Variants in TNRC6A observed in about 807,000 individuals in gnomAD.
TNRC6A encodes the protein trinucleotide repeat containing adaptor 6A.
In TNRC6A, 44 loss-of-function variants were observed where a neutral mutation model predicts 221.2. The ratio of observed to expected loss-of-function variants is 0.20; its 90% confidence interval spans 0.16 to 0.26. The LOEUF is 0.26. Among genes scored for constraint, TNRC6A ranks in the 10% least tolerant of loss-of-function variants. TNRC6A has a pLI of 1.00. For synonymous variants in TNRC6A, 847 were observed against 838.5 expected (o/e 1.01, Z -0.18); for missense variants, 2,199 against 2,404.4 (o/e 0.91, Z 1.79).
chr16:24,610,607 C>T (rs1444484768), intron 1 of TNRC6A: 1 of 152,284 alleles, frequency 6.6e-6, no homozygotes, highest in Non-Finnish European at 1.5e-5. Flanking sequence ...TGGGGAGCTG[C>T]GGCTCTCGGG....
chr16:24,725,600 T>C (rs542691740), upstream of TNRC6A, among the ~76,000 whole-genome samples: 1 of 152,242 alleles, frequency 6.6e-6, no homozygotes, highest in African/African-American at 2.4e-5. Flanking sequence ...CATTCTTTGT[T>C]GCATAATCAA....
intron 2 of TNRC6A, among the ~76,000 whole-genome samples, chr16:24,733,465 T>C (rs978036552): frequency 6.6e-6 from 1 of 152,212 alleles, no homozygotes; most frequent in Non-Finnish European, 1.5e-5. Flanking sequence ...ATTGTCACAT[T>C]ATGTTAGTAT....
intron 4 of TNRC6A, among the ~76,000 whole-genome samples, chr16:24,768,251 GA>G (rs1274456250): frequency 6.6e-6 from 1 of 152,044 alleles, no homozygotes; most frequent in East Asian, 1.9e-4. Flanking sequence ...CTAACACGGT[GA>G]AACCCCGTCT....
At chr16:24,773,803 T>G (rs989271742) in intron 4 of TNRC6A, among the ~76,000 whole-genome samples, 6 of 152,180 alleles carry the variant, frequency 3.9e-5, no homozygotes, top group African/African-American at 1.2e-4. Context: ...TTGTCTGATA[T>G]CAATATTGTT....
At chr16:24,710,977 G>C (rs889177799) in intron 2 of TNRC6A, among the ~76,000 whole-genome samples, 4 of 152,008 alleles carry the variant, frequency 2.6e-5, no homozygotes, top group Admixed American at 2.6e-4. Flanking sequence ...CCGGGTTCAA[G>C]GGATTCTCCT....
chr16:24,730,326 C>T (rs372493963), intron 2 of TNRC6A, 26 bp downstream of exon 2: 41 of 1,601,210 alleles, frequency 2.6e-5, no homozygotes, highest in Middle Eastern at 3.3e-4. Flanking sequence ...TTTCCGTCTC[C>T]CGCCCCACGA....
At chr16:24,659,316 A>T (rs2054980206) in intron 2 of TNRC6A, among the ~76,000 whole-genome samples, 1 of 152,068 alleles carries the variant, frequency 6.6e-6, no homozygotes, top group Admixed American at 6.6e-5. Context: ...TTTGCTATGT[A>T]TTAATTTCAT....
chr16:24,788,476 T>G (rs2058021401), intron 5 of TNRC6A, among the ~76,000 whole-genome samples: 1 of 152,296 alleles, frequency 6.6e-6, no homozygotes, highest in African/African-American at 2.4e-5. Context: ...AAAACAGTTG[T>G]GTGGAAAAGC....
intron 2 of TNRC6A, among the ~76,000 whole-genome samples, chr16:24,714,413 A>G (rs1162531156): frequency 7.2e-6 from 1 of 138,854 alleles, no homozygotes; most frequent in Non-Finnish European, 1.5e-5. Flanking sequence ...GGTTCACACC[A>G]TTCTCCTGCC....
rs2058061658 is a variant in TNRC6A at position 24,789,936 on chromosome 16, A to G, written c.1294A>G (p.Ser432Gly). The G allele has an allele frequency of 6.2e-7, 1 of 1,613,780 alleles. No homozygotes were observed. The highest frequency in any genetic ancestry group is 1.3e-5 in the African/African-American group (1 of 74,932). Reference protein sequence around the residue: ...SLQETCESEVSGTQKVSFSGQ... With the variant: ...SLQETCESEVGGTQKVSFSGQ... ...TCAGGAAACTTGTGAATCTGAAGTA[A>G]GTGGTACACAGAAGGTTTCATTCAG... Residue 432 changes from serine (S) to glycine (G), a missense_variant, in exon 6 of 25, where the codon AGT (serine) becomes GGT (glycine). Ser to Gly is a moderately conservative substitution (Grantham distance 56, BLOSUM62 0). Transcript: ENST00000395799.
chr16:24,702,427 C>T (rs924566299), intron 2 of TNRC6A, among the ~76,000 whole-genome samples: 3 of 152,104 alleles, frequency 2.0e-5, no homozygotes, highest in Non-Finnish European at 4.4e-5. Context: ...AGCCACCCAC[C>T]TCAGCCTCCC....
intron 2 of TNRC6A, among the ~76,000 whole-genome samples, chr16:24,706,466 C>T (rs1262857490): frequency 6.6e-6 from 1 of 152,044 alleles, no homozygotes; most frequent in Non-Finnish European, 1.5e-5. Flanking sequence ...AATCCCAGCA[C>T]TTTGGGAGGC....
intron 23 of TNRC6A, 100 bp downstream of exon 23, chr16:24,822,247 A>C (rs2058780518): frequency 8.5e-7 from 1 of 1,181,098 alleles, no homozygotes; most frequent in Non-Finnish European, 1.2e-6. Context: ...GGTGGTAGTG[A>C]AGCCGAGCAG....
chr16:24,774,711 A>G (rs932128523), intron 4 of TNRC6A, among the ~76,000 whole-genome samples: 6 of 152,342 alleles, frequency 3.9e-5, no homozygotes, highest in Middle Eastern at 3.4e-3. Context: ...AAAGCTGAGT[A>G]AGCATTTTTA....
Position 24,688,675 on chromosome 16 carries a change from G to T in TNRC6A, n.402+47666G>T, listed in dbSNP as rs1265096258. ...CATGATCCTTAAGAGCGAGCCTCAG[G>T]ATGCACACATCTCTCCCCTTCTGGA... On this transcript the variant is annotated intron_variant and non_coding_transcript_variant, in intron 2 of 2. Coordinates refer to the TNRC6A transcript ENST00000566108. 2.0e-5 allele frequency among the ~76,000 whole-genome samples: 3 copies of T among 152,172 alleles called. No homozygotes were observed. In the South Asian group the frequency reaches 6.2e-4, roughly 32 times the overall value.
Position 24,791,423 on chromosome 16 carries a change from G to A in TNRC6A, c.2781G>A (p.Lys927=). 13 of 1,548,964 alleles carry A rather than the reference G, an allele frequency of 8.4e-6. No homozygotes were observed. Among genetic ancestry groups the A allele is most frequent in the South Asian group, 3.8e-5 (3 of 78,458 alleles). The change falls in exon 6 of 25, where the codon AAG becomes AAA. Residue 927 remains lysine, a synonymous_variant. Transcript: ENST00000395799. ...TPSQGWGDPP[K]SNQSLGWGDS... is the part of the protein sequence containing the mutation. Reference sequence around the variant, plus strand: ...CCCAGGGATGGGGAGACCCTCCAAAGTCTAATCAGTCTCTAGGTTGGGGAG... The same window carrying A: ...CCCAGGGATGGGGAGACCCTCCAAAATCTAATCAGTCTCTAGGTTGGGGAG...
At chr16:24,782,205 G>A (rs1477298190) in intron 5 of TNRC6A, among the ~76,000 whole-genome samples, 1 of 152,132 alleles carries the variant, frequency 6.6e-6, no homozygotes, top group Admixed American at 6.5e-5. Context: ...TGGTTGAGGT[G>A]TTCACCATCT....
At chr16:24,818,811 G>C in intron 21 of TNRC6A, 111 bp downstream of exon 21, 1 of 814,938 alleles carries the variant, frequency 1.2e-6, no homozygotes, top group Non-Finnish European at 2.1e-6. Context: ...AGGAGATTCT[G>C]TTTGTGAGCC....
chr16:24,754,372 C>T (rs2057202680), intron 3 of TNRC6A, among the ~76,000 whole-genome samples: 1 of 152,076 alleles, frequency 6.6e-6, no homozygotes, highest in African/African-American at 2.4e-5. Flanking sequence ...TATTGTATTT[C>T]AGCCCCAATA....
Sources: allele counts gnomAD v4.1 joint callset (sites outside exome capture counted in the v4.1 genomes callset), GRCh38; gene constraint gnomAD v4.1.1; transcripts MANE v1.5; gene names NCBI Gene and HGNC (gene_info 2026-07-23, HGNC 2026-07-21).